The following PCDHGA3 variants were observed in gnomAD, a reference collection of about 807,000 sequenced individuals.
The protein encoded by PCDHGA3 is protocadherin gamma subfamily A, 3.
PCDHGA3 carries 40 observed loss-of-function variants against 58.5 expected under a neutral mutation model. The ratio of observed to expected loss-of-function variants is 0.68; its 90% CI spans 0.53 to 0.89. The LOEUF (loss-of-function observed/expected upper bound fraction) is 0.89. Among genes scored for constraint, PCDHGA3 ranks in the 40% least tolerant of loss-of-function variants. The pLI is 0.00. For synonymous variants in PCDHGA3, 530 were observed against 525.7 expected, an observed-to-expected ratio of 1.01 and a Z score of -0.11; for missense variants, 1,223 against 1,195.9, an observed-to-expected ratio of 1.02 and a Z score of -0.33.
intron 1 of PCDHGA3, among the ~76,000 whole-genome samples, chr5:141,460,110 A>G (rs966038979): frequency 2.0e-5 from 3 of 151,894 alleles, no homozygotes; most frequent in African/African-American, 7.2e-5. Context: ...ATTATATATG[A>G]TTTTTATATA....
chr5:141,392,242 G>A (rs1294476832), intron 1 of PCDHGA3: 1 of 152,134 alleles, frequency 6.6e-6, no homozygotes, highest in African/African-American at 2.4e-5. Context: ...TTAGTTATTT[G>A]TTAGTATATA....
At position 141,487,362 on chromosome 5, in the gene PCDHGA3, C is replaced by T; in HGVS notation, c.2425-7445C>T. On this transcript the variant is annotated intron_variant, in intron 1 of 3. Transcript: ENST00000253812. The surrounding 1 kb of genome is among the most constrained non-coding windows in gnomAD (Gnocchi z 5.0). The stretch of plus-strand genomic sequence containing the variant: ...GGAGTCACATGCTTTCCTGCTGGCA[C>T]CTGTGCCTGTCTCACCAGATCTCGA... 3 of 1,614,200 alleles carry T rather than the reference C, an allele frequency of 1.9e-6. No homozygotes were observed. Among genetic ancestry groups the T allele is most frequent in the Non-Finnish European group, 2.5e-6 (3 of 1,180,044 alleles).
intron 1 of PCDHGA3, chr5:141,372,919 A>T (rs1404152823): frequency 9.8e-7 from 1 of 1,018,038 alleles, no homozygotes; most frequent in Admixed American, 3.0e-5. Context: ...TATTTTATTG[A>T]TTTTCTGGTG....
chr5:141,491,479 C>T lies in PCDHGA3; in HGVS notation c.2425-3328C>T. On this transcript the variant is annotated intron_variant, in intron 1 of 3. Transcript: ENST00000253812. The surrounding 1 kb of genome is among the most constrained non-coding windows in gnomAD (Gnocchi z 6.9). ...CCCGGACTTCTATAAGCAGTCCAGCCCCAACCTGCAGGTGAGCTCGGACGG... is the reference window on the plus strand; with the variant it reads ...CCCGGACTTCTATAAGCAGTCCAGCTCCAACCTGCAGGTGAGCTCGGACGG... 1 of 1,614,144 alleles carries T rather than the reference C, an allele frequency of 6.2e-7. No homozygotes were observed. Among genetic ancestry groups the T allele is most frequent in the Non-Finnish European group, 8.5e-7 (1 of 1,180,024 alleles).
intron 1 of PCDHGA3, among the ~76,000 whole-genome samples, chr5:141,459,692 G>A (rs891511502): frequency 2.6e-5 from 4 of 152,134 alleles, no homozygotes; most frequent in African/African-American, 9.7e-5. Flanking sequence ...AAAGCGTTCC[G>A]CTTGCTACAT....
At position 141,487,382 on chromosome 5, in the gene PCDHGA3, T is replaced by A. The variant is rs755316738; in HGVS notation, c.2425-7425T>A. 6.2e-7 allele frequency: 1 copy of A among 1,614,172 alleles called. No individual in the cohort carries two copies. The highest frequency in any genetic ancestry group is 2.2e-5 in the East Asian group (1 of 44,854). On this transcript the variant is annotated intron_variant, in intron 1 of 3. Transcript: ENST00000253812. The surrounding 1 kb of genome is among the most constrained non-coding windows in gnomAD (Gnocchi z 5.0). ...TGGCACCTGTGCCTGTCTCACCAGA[T>A]CTCGAAGGAGGGAGGGGCTTCCCCC...
At position 141,432,669 on chromosome 5, in the gene PCDHGA3, C is replaced by T. The variant is rs777314784; in HGVS notation, c.2425-62138C>T. ...GCGCGAGCCCTGCTGGACAGAGACG[C>T]GCTCAAGCAGAGCCTCGTAGTGGCC... On this transcript the variant is annotated intron_variant, in intron 1 of 3. Transcript: ENST00000253812. This position sits in a 1 kb window ranked among gnomAD's most constrained non-coding sequence, Gnocchi z 6.0. 1 of 1,613,894 alleles carries T rather than the reference C, an allele frequency of 6.2e-7. No homozygotes were observed.
rs70988800 is a variant in PCDHGA3 at position 141,379,889 on chromosome 5, C to CTTTTTTTTTTTTTTTTTTTTTT, written c.2424+33441_2424+33462dup. On this transcript the variant is annotated intron_variant, in intron 1 of 3. Coordinates refer to ENST00000253812, the MANE Select transcript of PCDHGA3 (RefSeq NM_018916.4). ...CTTATTTTATGGTCTGTGAAAGCCT[C>CTTTTTTTTTTTTTTTTTTTTTT]TTTTTTTTTTTTTTTTTTTTTTTTT... Among the ~76,000 whole-genome samples the CTTTTTTTTTTTTTTTTTTTTTT allele has an allele frequency of 1.7e-3, 88 of 50,830 alleles. 16 individuals carry two copies. The highest frequency in any genetic ancestry group is 2.3e-3 in the Non-Finnish European group (60 of 25,884). 33.3% of individuals were successfully genotyped at this position (50,830 alleles called of 152,430 possible).
intron 1 of PCDHGA3, chr5:141,360,475 CTAAA>C: frequency 6.2e-7 from 1 of 1,613,928 alleles, no homozygotes; most frequent in African/African-American, 1.3e-5. Flanking sequence ...TGAAAATCCA[CTAAA>C]TATTTTCTAC....
intron 1 of PCDHGA3, among the ~76,000 whole-genome samples, chr5:141,349,457 TGTGTACCCCAACACTAA>T (rs1470380293): frequency 6.6e-6 from 1 of 152,200 alleles, no homozygotes; most frequent in Non-Finnish European, 1.5e-5. Context: ...AAAGCATGTA[TGTGTACCCCAACACTAA>T]ATTGGCCCTT....
intron 1 of PCDHGA3, chr5:141,475,850 G>A (rs2099376325): frequency 1.9e-5 from 9 of 464,524 alleles, no homozygotes; most frequent in Middle Eastern, 5.9e-4. Context: ...AGAGAGCCCG[G>A]CGCTAGCTCA....
intron 1 of PCDHGA3, chr5:141,361,515 C>A: frequency 6.2e-7 from 1 of 1,614,040 alleles, no homozygotes; most frequent in South Asian, 1.1e-5. Context: ...ACATGGTTCA[C>A]GTGGCAGAGA....
intron 1 of PCDHGA3, chr5:141,351,145 C>T (rs2149761070): frequency 6.2e-7 from 1 of 1,613,972 alleles, no homozygotes; most frequent in Non-Finnish European, 8.5e-7. Flanking sequence ...CAAATACTGG[C>T]GACATCACAA....
At chr5:141,413,035 C>A (rs1481573261) in intron 1 of PCDHGA3, 2 of 800,134 alleles carry the variant, frequency 2.5e-6, no homozygotes, top group African/African-American at 1.7e-5. Context: ...AAACCGGCTG[C>A]TGGGCTGCAG....
At chr5:141,414,225 G>A in intron 1 of PCDHGA3, 1 of 1,613,398 alleles carries the variant, frequency 6.2e-7, no homozygotes, top group Non-Finnish European at 8.5e-7. Context: ...ACAGTCCAGA[G>A]CTGACCATCA....
intron 1 of PCDHGA3, chr5:141,359,958 AG>A (rs1446776013): frequency 1.7e-6 from 1 of 585,260 alleles, no homozygotes; most frequent in African/African-American, 1.9e-5. Flanking sequence ...AAAAGAACGA[AG>A]AGAAGCGTTT....
chr5:141,409,491 C>T (rs747701093), intron 1 of PCDHGA3: 3 of 1,613,994 alleles, frequency 1.9e-6, no homozygotes, highest in East Asian at 2.2e-5. Flanking sequence ...AGGGGCAAGC[C>T]GCCTCTTTCT....
At chr5:141,495,419 C>A (rs1434107823) in intron 2 of PCDHGA3, among the ~76,000 whole-genome samples, 1 of 152,228 alleles carries the variant, frequency 6.6e-6, no homozygotes, top group Non-Finnish European at 1.5e-5. Context: ...CCGGCCCCTC[C>A]TCCCACTGTC....
At chr5:141,384,956 A>G (rs1305792842) in intron 1 of PCDHGA3, 1 of 1,613,934 alleles carries the variant, frequency 6.2e-7, no homozygotes, top group African/African-American at 1.3e-5. Flanking sequence ...GGTCCTTACA[A>G]CTATGACCTC....
Sources: allele counts gnomAD v4.1 joint callset (sites outside exome capture counted in the v4.1 genomes callset), GRCh38; gene constraint gnomAD v4.1.1; non-coding constraint Gnocchi (gnomAD v3.1); transcripts MANE v1.5; gene names NCBI Gene and HGNC (gene_info 2026-07-23, HGNC 2026-07-21).